The following GRID2 variants were observed in gnomAD, a reference collection of about 807,000 sequenced individuals.
GRID2 encodes the protein glutamate receptor ionotropic, delta-2.
GRID2 carries 33 observed loss-of-function variants against 114.8 expected under a neutral mutation model. The observed-to-expected ratio is 0.29, with a 90% CI of 0.22 to 0.38. The LOEUF (loss-of-function observed/expected upper bound fraction) is 0.38, where lower values mean the gene tolerates loss of function less well. Among genes scored for constraint, GRID2 ranks in the 10% least tolerant of loss-of-function variants. The pLI, the probability that GRID2 is intolerant of heterozygous loss-of-function variation, is 1.00. For synonymous variants in GRID2, 505 were observed against 449.9 expected, an observed-to-expected ratio of 1.12 and a Z score of -1.55; for missense variants, 1,184 against 1,257.7, an observed-to-expected ratio of 0.94 and a Z score of 0.89.
chr4:93,540,606 T>C (rs1376592969), intron 13 of GRID2, among the ~76,000 whole-genome samples: 2 of 152,158 alleles, frequency 1.3e-5, no homozygotes, highest in Admixed American at 1.3e-4. Context: ...AGCTGGACTA[T>C]GGTGAGGAAG....
intron 13 of GRID2, among the ~76,000 whole-genome samples, chr4:93,603,857 T>C (rs1452962678): frequency 6.6e-6 from 1 of 152,130 alleles, no homozygotes; most frequent in African/African-American, 2.4e-5. Context: ...GTTCACTGAA[T>C]ATTTTAAGCC....
chr4:92,336,951 GTTGT>G (rs1449149737), intron 1 of GRID2, among the ~76,000 whole-genome samples: 175 of 16,580 alleles, frequency 0.011, no homozygotes, highest in African/African-American at 0.023. Flanking sequence ...GTCTTTCGTT[GTTGT>G]TTTTTTTTTT....
chr4:92,940,547 A>G (rs911293766), intron 2 of GRID2, among the ~76,000 whole-genome samples: 6 of 152,174 alleles, frequency 3.9e-5, no homozygotes, highest in African/African-American at 1.4e-4. Flanking sequence ...TTCCTAATTG[A>G]ATGCCCTTTA....
At chr4:92,781,165 G>C (rs747457512) in intron 2 of GRID2, among the ~76,000 whole-genome samples, 20 of 152,130 alleles carry the variant, frequency 1.3e-4, no homozygotes, top group Non-Finnish European at 2.6e-4. Flanking sequence ...AGAATCGCTT[G>C]AACCTGGGAG....
intron 4 of GRID2, among the ~76,000 whole-genome samples, chr4:93,169,269 T>C (rs987376376): frequency 6.6e-6 from 1 of 152,100 alleles, no homozygotes; most frequent in African/African-American, 2.4e-5. Flanking sequence ...TGTGTCTTTA[T>C]TGATGTACTT....
At chr4:92,426,699 T>A (rs1306702065) in intron 1 of GRID2, among the ~76,000 whole-genome samples, 1 of 152,158 alleles carries the variant, frequency 6.6e-6, no homozygotes, top group Non-Finnish European at 1.5e-5. Context: ...AAAAACTGTT[T>A]ATTATATATT....
rs77508337 is a variant in GRID2 at position 93,512,398 on chromosome 4, G to A, written c.1998-2818G>A. Among the ~76,000 whole-genome samples the A allele has an allele frequency of 5.7e-3, 873 of 152,136 alleles. 7 individuals are homozygous for A. The highest frequency in any genetic ancestry group is 0.02 in the African/African-American group (838 of 41,526). On this transcript the variant is annotated intron_variant, in intron 12 of 15. Coordinates refer to ENST00000282020, the MANE Select transcript of GRID2 (RefSeq NM_001510.4). ...TTAGTATGAAAAATACAAAGTGACCGCTTGTAATAGTTACTCCCTTTCTAT... is the reference window on the plus strand; with the variant it reads ...TTAGTATGAAAAATACAAAGTGACCACTTGTAATAGTTACTCCCTTTCTAT...
exon 2 of GRID2, chr4:93,807,840 T>C (rs948240736): frequency 6.6e-6 from 1 of 152,192 alleles, no homozygotes; most frequent in Admixed American, 6.5e-5. Context: ...GGGAATACAA[T>C]GATGAATGAG....
chr4:93,802,007 G>A (rs938340108), intron 1 of GRID2, among the ~76,000 whole-genome samples: 3 of 152,320 alleles, frequency 2.0e-5, no homozygotes, highest in East Asian at 3.9e-4. Context: ...ATATTTTGGT[G>A]TTTTGAGGGA....
chr4:92,955,639 T>G (rs1752349723), intron 2 of GRID2, among the ~76,000 whole-genome samples: 1 of 152,160 alleles, frequency 6.6e-6, no homozygotes, highest in African/African-American at 2.4e-5. Flanking sequence ...CATTTGTCAA[T>G]TTTGGCTTTT....
At chr4:92,593,398 C>T (rs1728799285) in intron 2 of GRID2, among the ~76,000 whole-genome samples, 1 of 151,854 alleles carries the variant, frequency 6.6e-6, no homozygotes, top group African/African-American at 2.4e-5. Context: ...CTACTGTTAT[C>T]ACTTAATAAG....
intron 13 of GRID2, among the ~76,000 whole-genome samples, chr4:93,575,232 T>C (rs1369998759): frequency 6.6e-6 from 1 of 152,144 alleles, no homozygotes; most frequent in Non-Finnish European, 1.5e-5. Flanking sequence ...GCCACCAATG[T>C]AACAGTCTAC....
rs568946800 is a variant in GRID2 at position 93,252,227 on chromosome 4, G to A, written c.1245+13737G>A. Among the ~76,000 whole-genome samples the A allele has an allele frequency of 5.0e-3, 765 of 151,764 alleles. 6 individuals carry two copies. Among genetic ancestry groups the A allele is most frequent in the Non-Finnish European group, 6.8e-3 (462 of 67,942 alleles). ...TACATTTAATTATTGAATCCATCTT[G>A]GGTTGATTTTTGTATATGGTATAAG... On this transcript the variant is annotated intron_variant, in intron 8 of 15. Coordinates refer to ENST00000282020, the MANE Select transcript of GRID2 (RefSeq NM_001510.4).
chr4:93,105,151 GTTGT>G (rs1256391057), intron 3 of GRID2, among the ~76,000 whole-genome samples: 2 of 152,144 alleles, frequency 1.3e-5, no homozygotes, highest in Non-Finnish European at 2.9e-5. Context: ...TTTTGATGGC[GTTGT>G]TTGTTTTTTT....
intron 1 of GRID2, among the ~76,000 whole-genome samples, chr4:92,521,077 CA>C (rs1724749937): frequency 6.6e-6 from 1 of 151,712 alleles, no homozygotes; most frequent in African/African-American, 2.4e-5. Flanking sequence ...ATTTTTAGAA[CA>C]AAAACTACCT....
chr4:92,954,248 AAC>A lies in GRID2; in HGVS notation c.245-130743_245-130742del, dbSNP rs529094624. 6.9e-3 allele frequency among the ~76,000 whole-genome samples: 1,047 copies of A among 152,084 alleles called. 17 individuals carry two copies. Among genetic ancestry groups the A allele is most frequent in the African/African-American group, 0.024 (1,008 of 41,458 alleles). On this transcript the variant is annotated intron_variant, in intron 2 of 15. Transcript: ENST00000282020. ...ATATACACACACATATATATATACA[AAC>A]ACATACACACATATATATACAAACA...
At chr4:93,206,050 A>G (rs988481326) in intron 4 of GRID2, among the ~76,000 whole-genome samples, 1 of 151,948 alleles carries the variant, frequency 6.6e-6, no homozygotes, top group Non-Finnish European at 1.5e-5. Flanking sequence ...TGCACATGTA[A>G]CCTAAAACTT....
At chr4:93,040,303 G>C (rs1420950546) in intron 2 of GRID2, among the ~76,000 whole-genome samples, 1 of 150,032 alleles carries the variant, frequency 6.7e-6, no homozygotes, top group Non-Finnish European at 1.5e-5. Flanking sequence ...AAAAAAGAAA[G>C]AAAACATCAC....
chr4:93,182,341 A>G (rs1211423971), intron 4 of GRID2, among the ~76,000 whole-genome samples: 1 of 152,140 alleles, frequency 6.6e-6, no homozygotes. Flanking sequence ...ATTAACTTAA[A>G]AAAATGAATT....
Sources: gnomAD v4.1 joint callset for allele counts (sites outside exome capture counted in the v4.1 genomes callset) on GRCh38, gnomAD v4.1.1 for gene constraint, MANE v1.5 for transcripts, NCBI Gene and HGNC (gene_info 2026-07-23, HGNC 2026-07-21) for gene names.